WDR27: variants seen among roughly 807,000 people sequenced by gnomAD.
WDR27 encodes the protein WD repeat-containing protein 27.
Under a neutral mutation model 114.4 loss-of-function variants are expected in WDR27, and 100 were observed. The ratio of observed to expected loss-of-function variants is 0.87; its 90% CI spans 0.74 to 1.03. The LOEUF (loss-of-function observed/expected upper bound fraction) is 1.03. Ranked by LOEUF, WDR27 falls within the 50% of genes least tolerant of loss-of-function variation. The probability of loss-of-function intolerance (pLI) is 0.00; values close to 1 mark genes in which losing one functional copy is unlikely to be tolerated. For missense variants in WDR27, 1,129 were observed against 1,092.9 expected (o/e 1.03, Z -0.47); for synonymous variants, 449 against 423.1 (o/e 1.06, Z -0.75).
chr6:169,621,284 AC>A (rs1465963357), intron 21 of WDR27, among the ~76,000 whole-genome samples: 1 of 151,940 alleles, frequency 6.6e-6, no homozygotes, highest in African/African-American at 2.4e-5. Context: ...ACACACACAC[AC>A]ATGCACGCAC....
At chr6:169,603,607 A>G (rs1808498126) in intron 22 of WDR27, among the ~76,000 whole-genome samples, 2 of 152,190 alleles carry the variant, frequency 1.3e-5, no homozygotes, top group South Asian at 4.1e-4. Context: ...AGAATACACC[A>G]TGAACATTTC....
At chr6:169,489,472 C>T (rs1174216176) in intron 25 of WDR27, among the ~76,000 whole-genome samples, 2 of 151,992 alleles carry the variant, frequency 1.3e-5, no homozygotes, top group African/African-American at 4.8e-5. Context: ...TTTCGGAGAA[C>T]GAAGGTCACA....
chr6:169,645,846 G>A (rs1420398523), intron 16 of WDR27, among the ~76,000 whole-genome samples: 1 of 144,568 alleles, frequency 6.9e-6, no homozygotes, highest in Non-Finnish European at 1.5e-5. Context: ...CTAGTTCACA[G>A]GGTCACACTG....
At chr6:169,515,738 T>C (rs1209018768) in intron 25 of WDR27, among the ~76,000 whole-genome samples, 1 of 150,554 alleles carries the variant, frequency 6.6e-6, no homozygotes, top group African/African-American at 2.4e-5. Flanking sequence ...AATAAGCATA[T>C]ATTTTATTAT....
intron 13 of WDR27, 24 bp from the exon 14 acceptor site, chr6:169,652,032 A>C (rs1361603896): frequency 8.1e-6 from 13 of 1,609,172 alleles, no homozygotes; most frequent in Non-Finnish European, 1.1e-5. Context: ...ATTTTAAAGA[A>C]GAAACAAACA....
chr6:169,554,167 C>A (rs1384751819), intron 25 of WDR27, among the ~76,000 whole-genome samples: 1 of 152,190 alleles, frequency 6.6e-6, no homozygotes, highest in Non-Finnish European at 1.5e-5. Flanking sequence ...AGAGCTGAGG[C>A]TAGAAGCGGG....
downstream of WDR27, among the ~76,000 whole-genome samples, chr6:169,454,658 G>A (rs745398): frequency 0.17 from 26,374 of 152,176 alleles, 3,379 homozygotes; most frequent in East Asian, 0.64. Context: ...TTGGGACCAC[G>A]ATCACATTCT....
intron 25 of WDR27, among the ~76,000 whole-genome samples, chr6:169,529,319 G>GC (rs959281308): frequency 1.2e-4 from 17 of 142,954 alleles, no homozygotes; most frequent in Admixed American, 5.6e-4. Flanking sequence ...CTGCGGGGGG[G>GC]GGGGGCAGCT....
chr6:169,623,580 A>G (rs1445571924), intron 21 of WDR27, among the ~76,000 whole-genome samples: 1 of 152,078 alleles, frequency 6.6e-6, no homozygotes, highest in East Asian at 1.9e-4. Context: ...GTACCCACTC[A>G]CATGCAGAGA....
intron 25 of WDR27, among the ~76,000 whole-genome samples, chr6:169,505,788 G>T (rs957568133): frequency 4.6e-5 from 7 of 152,308 alleles, no homozygotes; most frequent in African/African-American, 1.4e-4. Flanking sequence ...CAGTCATCTG[G>T]AAGGCTTATT....
chr6:169,563,371 A>C (rs917946311), intron 25 of WDR27, among the ~76,000 whole-genome samples: 1 of 152,154 alleles, frequency 6.6e-6, no homozygotes, highest in Non-Finnish European at 1.5e-5. Flanking sequence ...CAACCCCAAC[A>C]GGGTCTCTAC....
At chr6:169,602,124 G>A in intron 23 of WDR27, 95 bp downstream of exon 23, 1 of 835,630 alleles carries the variant, frequency 1.2e-6, no homozygotes. Flanking sequence ...CAAGCTGAAA[G>A]TAGGTTTCTA....
chr6:169,685,733 A>G (rs1443674469), intron 2 of WDR27, among the ~76,000 whole-genome samples: 1 of 152,238 alleles, frequency 6.6e-6, no homozygotes, highest in Non-Finnish European at 1.5e-5. Context: ...ATAAATATTC[A>G]TAATATGGGC....
rs1458588660 is a variant in WDR27 at position 169,701,753 on chromosome 6, G to A, written c.-210C>T. On this transcript the variant is annotated 5_prime_UTR_variant, in exon 1 of 26. Transcript: ENST00000448612. The stretch of plus-strand genomic sequence containing the variant: ...AGCGCGCGTGTCCGCCGTTGGAAGC[G>A]GTCACGGCGGAACCCTCAAATCGCC... 4.1e-6 allele frequency: 1 copy of A among 242,312 alleles called. No homozygotes were observed. Among genetic ancestry groups the A allele is most frequent in the African/African-American group, 2.4e-5 (1 of 41,828 alleles). The allele number at this position is 242,312 out of a possible 1,614,324, so 15.0% of individuals were successfully genotyped here.
intron 25 of WDR27, among the ~76,000 whole-genome samples, chr6:169,565,013 C>T (rs73790016): frequency 0.016 from 2,477 of 151,984 alleles, 64 homozygotes; most frequent in African/African-American, 0.057. Flanking sequence ...ACGCTGTCAG[C>T]GAGCACTCCC....
At chr6:169,609,990 G>T (rs1467696925) in intron 22 of WDR27, among the ~76,000 whole-genome samples, 4 of 152,174 alleles carry the variant, frequency 2.6e-5, no homozygotes, top group Non-Finnish European at 5.9e-5. Context: ...AATGCCATCA[G>T]TCTCTTTGCT....
At chr6:169,586,414 A>T (rs988443719) in intron 23 of WDR27, among the ~76,000 whole-genome samples, 15 of 142,188 alleles carry the variant, frequency 1.1e-4, no homozygotes, top group Non-Finnish European at 1.4e-4. Flanking sequence ...TAGCATTGAC[A>T]ACCCTTTCCA....
intron 1 of WDR27, among the ~76,000 whole-genome samples, chr6:169,699,029 G>A (rs1460861800): frequency 1.3e-5 from 2 of 152,192 alleles, no homozygotes; most frequent in African/African-American, 4.8e-5. Context: ...AAAAGCTCAA[G>A]ACTCACGTTA....
chr6:169,665,276 C>T, intron 7 of WDR27: 3 of 1,337,066 alleles, frequency 2.2e-6, no homozygotes, highest in Non-Finnish European at 2.9e-6. Context: ...GACATGCAGA[C>T]CCAGCTCCTC....
Sources: allele counts gnomAD v4.1 joint callset (sites outside exome capture counted in the v4.1 genomes callset), GRCh38; gene constraint gnomAD v4.1.1; transcripts MANE v1.5; gene names NCBI Gene and HGNC (gene_info 2026-07-23, HGNC 2026-07-21).